Variants in AKAP7 observed in about 807,000 individuals in gnomAD.
The protein encoded by AKAP7 is A kinase (PRKA) anchor protein 7.
A neutral mutation model predicts 39.5 loss-of-function variants in AKAP7; 39 were observed. The observed-to-expected ratio is 0.99, with a 90% CI of 0.76 to 1.29. The LOEUF is 1.29. AKAP7 is among the 50% of genes most tolerant of loss of function. The pLI is 0.00. For missense variants in AKAP7, 414 were observed against 407.7 expected, an observed-to-expected ratio of 1.02 and a Z score of -0.13; for synonymous variants, 140 against 139.1, an observed-to-expected ratio of 1.01 and a Z score of -0.05.
chr6:131,207,491 ATTTT>A (rs531582478), intron 6 of AKAP7, among the ~76,000 whole-genome samples: 1,366 of 78,778 alleles, frequency 0.017, 51 homozygotes, highest in African/African-American at 0.064. Flanking sequence ...GCTAATTAAA[ATTTT>A]TTTTTTTTTT....
chr6:131,192,028 A>G (rs1806460434), intron 5 of AKAP7, among the ~76,000 whole-genome samples: 1 of 151,990 alleles, frequency 6.6e-6, no homozygotes, highest in Non-Finnish European at 1.5e-5. Context: ...TGCCCACCTC[A>G]GCCTCCCAAA....
chr6:131,228,952 T>A, intron 7 of AKAP7, among the ~76,000 whole-genome samples: 1 of 152,210 alleles, frequency 6.6e-6, no homozygotes, highest in Admixed American at 6.5e-5. Flanking sequence ...TAATCTCAAC[T>A]TCTGAGTATA....
At chr6:131,144,012 C>T (rs540174478) in intron 1 of AKAP7, among the ~76,000 whole-genome samples, 51 of 138,420 alleles carry the variant, frequency 3.7e-4, no homozygotes, top group Non-Finnish European at 5.7e-4. Context: ...GCACATCTTG[C>T]ACCGCCCTTA....
At chr6:131,222,035 T>C (rs542934871) in intron 7 of AKAP7, among the ~76,000 whole-genome samples, 1 of 152,354 alleles carries the variant, frequency 6.6e-6, no homozygotes, top group African/African-American at 2.4e-5. Context: ...GTGATAGATA[T>C]GAGCAAAGCA....
chr6:131,243,195 A>G (rs1811750693), intron 7 of AKAP7, among the ~76,000 whole-genome samples: 1 of 152,190 alleles, frequency 6.6e-6, no homozygotes, highest in Admixed American at 6.5e-5. Context: ...ATAGGATTAT[A>G]GGAGATAATG....
intron 5 of AKAP7, among the ~76,000 whole-genome samples, chr6:131,182,320 T>C (rs1280592468): frequency 6.6e-6 from 1 of 152,082 alleles, no homozygotes; most frequent in African/African-American, 2.4e-5. Context: ...CTCCTTCCCC[T>C]GGCTTCTGGC....
intron 7 of AKAP7, among the ~76,000 whole-genome samples, chr6:131,272,909 A>G (rs565886513): frequency 2.0e-5 from 3 of 152,084 alleles, no homozygotes; most frequent in Non-Finnish European, 4.4e-5. Flanking sequence ...CAGAATTTCT[A>G]TTTTATCAGC....
intron 7 of AKAP7, among the ~76,000 whole-genome samples, chr6:131,264,712 A>G (rs1002817812): frequency 6.6e-6 from 1 of 152,194 alleles, no homozygotes; most frequent in South Asian, 2.1e-4. Flanking sequence ...GGTAATTTAT[A>G]AAGAAAAGAG....
rs180987301 is a variant in AKAP7, at chr6:131,237,104, T to G, written c.850+17296T>G. On this transcript the variant is annotated intron_variant, in intron 7 of 7. Transcript: ENST00000431975. ...CATCAATACCTAATTTATTGAGAGT[T>G]TTTAGCATGAAGGGTTGTTGAATTT... Among the ~76,000 whole-genome samples, 693 of 152,300 alleles carry G rather than the reference T, an allele frequency of 4.6e-3. 10 individuals carry two copies. The highest frequency in any genetic ancestry group is 0.016 in the African/African-American group (663 of 41,562).
intron 7 of AKAP7, among the ~76,000 whole-genome samples, chr6:131,266,702 G>T (rs1376390069): frequency 5.2e-4 from 75 of 143,904 alleles, no homozygotes; most frequent in African/African-American, 1.4e-3. Context: ...TGTTGTTGTT[G>T]TTGTTGTTTT....
At chr6:131,239,761 G>A (rs984696564) in intron 7 of AKAP7, among the ~76,000 whole-genome samples, 32 of 152,220 alleles carry the variant, frequency 2.1e-4, no homozygotes, top group Non-Finnish European at 4.0e-4. Context: ...GCTTCATCAG[G>A]TCCTTTAAGG....
chr6:131,241,577 A>ATATGTGTGTGTG (rs1349874555), intron 7 of AKAP7, among the ~76,000 whole-genome samples: 17 of 81,262 alleles, frequency 2.1e-4, no homozygotes, highest in African/African-American at 9.1e-4. Flanking sequence ...GATTATATAT[A>ATATGTGTGTGTG]TGTGTGTGTG....
At chr6:131,230,218 A>G (rs374224058) in intron 7 of AKAP7, among the ~76,000 whole-genome samples, 1 of 152,204 alleles carries the variant, frequency 6.6e-6, no homozygotes, top group South Asian at 2.1e-4. Context: ...CACCAAAAGT[A>G]TGTAAGTGTT....
chr6:131,155,798 G>A (rs1294495161), intron 2 of AKAP7, among the ~76,000 whole-genome samples: 1 of 152,074 alleles, frequency 6.6e-6, no homozygotes, highest in African/African-American at 2.4e-5. Context: ...CACCACTGAA[G>A]TTTATTCTAT....
chr6:131,235,450 T>A (rs1810970000), intron 7 of AKAP7, among the ~76,000 whole-genome samples: 1 of 152,174 alleles, frequency 6.6e-6, no homozygotes, highest in African/African-American at 2.4e-5. Context: ...GGTCAAATGG[T>A]ATTTCTAGTT....
Position 131,252,361 on chromosome 6 carries a change from C to T in AKAP7, c.851-29169C>T, listed in dbSNP as rs1812511551. On this transcript the variant is annotated intron_variant, in intron 7 of 7. Coordinates refer to ENST00000431975, the MANE Select transcript of AKAP7 (RefSeq NM_016377.4). ...GCATTTGCACCCCTGCCCCCATTCACTCCTGATGGCCCCCTGGGTCCTCTC... is the reference window on the plus strand; with the variant it reads ...GCATTTGCACCCCTGCCCCCATTCATTCCTGATGGCCCCCTGGGTCCTCTC... Among the ~76,000 whole-genome samples the T allele has an allele frequency of 2.6e-5, 4 of 152,184 alleles. No homozygotes were observed. The South Asian group carries it at 8.3e-4, about 32-fold the overall frequency.
At chr6:131,145,989 A>G (rs770343420) in intron 2 of AKAP7, among the ~76,000 whole-genome samples, 1 of 152,216 alleles carries the variant, frequency 6.6e-6, no homozygotes, top group African/African-American at 2.4e-5. Flanking sequence ...TGAGCCAGCT[A>G]CTTCTGAAAA....
intron 7 of AKAP7, among the ~76,000 whole-genome samples, chr6:131,251,512 T>C (rs1173038760): frequency 3.3e-5 from 5 of 152,174 alleles, no homozygotes; most frequent in East Asian, 3.9e-4. Flanking sequence ...CTGAAAGATA[T>C]ACGTCTGGTT....
At chr6:131,265,700 A>C (rs1813732547) in intron 7 of AKAP7, among the ~76,000 whole-genome samples, 1 of 152,210 alleles carries the variant, frequency 6.6e-6, no homozygotes, top group Admixed American at 6.5e-5. Flanking sequence ...GTGGAACAGC[A>C]TTATGGTATA....
Sources: gnomAD v4.1 joint callset for allele counts (sites outside exome capture counted in the v4.1 genomes callset) on GRCh38, gnomAD v4.1.1 for gene constraint, MANE v1.5 for transcripts, NCBI Gene and HGNC (gene_info 2026-07-23, HGNC 2026-07-21) for gene names.